The following ZNF454 variants were observed in gnomAD, a reference collection of about 807,000 sequenced individuals.
ZNF454 encodes zinc finger protein 454.
Under a neutral mutation model 48.2 loss-of-function variants are expected in ZNF454, and 30 were observed. That is an observed-to-expected ratio of 0.62 (90% CI 0.47 to 0.84). ZNF454 has a LOEUF of 0.84. ZNF454 is among the 40% of genes least tolerant of loss of function. ZNF454 has a pLI of 0.00. For synonymous variants in ZNF454, 204 were observed against 211.4 expected (o/e 0.97, Z 0.30); for missense variants, 510 against 623.1 (o/e 0.82, Z 1.93).
chr5:178,989,132 T>C, the ZNF454 span: 2 of 1,613,780 alleles, frequency 1.2e-6, no homozygotes, highest in South Asian at 2.2e-5. Context: ...GATGCGTTCC[T>C]CGCCTGTCCT....
rs1339253059 is a variant in ZNF454, at chr5:178,944,556, G to C, written c.33+1732G>C. Among the ~76,000 whole-genome samples, 2 of 152,208 alleles carry C rather than the reference G, an allele frequency of 1.3e-5. No homozygotes were observed. Among genetic ancestry groups the C allele is most frequent in the African/African-American group, 4.8e-5 (2 of 41,458 alleles). On this transcript the variant is annotated intron_variant, in intron 2 of 4. Coordinates refer to ENST00000519564, the MANE Select transcript of ZNF454 (RefSeq NM_001178089.3). The surrounding 1 kb of genome is among the most constrained non-coding windows in gnomAD (Gnocchi z 4.1). The stretch of plus-strand genomic sequence containing the variant: ...CCATCCAAGTGTTTCTTGACTGCCT[G>C]TCATGGGCCAAGTCTCTGGGTGCAG...
chr5:178,964,491 G>A (rs943512862), intron 4 of ZNF454, among the ~76,000 whole-genome samples, 164 bp from the exon 5 acceptor site: 2 of 152,198 alleles, frequency 1.3e-5, no homozygotes, highest in Admixed American at 6.5e-5. Context: ...AACCCCTGCT[G>A]TAGTCCTCTG....
At chr5:178,985,293 C>A in the ZNF454 span, 1 of 456,012 alleles carries the variant, frequency 2.2e-6, no homozygotes, top group African/African-American at 2.0e-5. Context: ...CTCTGGAGGC[C>A]CACACTCCCC....
At chr5:178,951,360 G>A (rs12521384) in intron 4 of ZNF454, among the ~76,000 whole-genome samples, 33,656 of 152,070 alleles carry the variant, frequency 0.22, 4,207 homozygotes, top group Non-Finnish European at 0.28. Context: ...GTACTGGAGC[G>A]CTGCAGCACT....
At chr5:178,943,603 G>A (rs942119935) in intron 2 of ZNF454, among the ~76,000 whole-genome samples, 2 of 152,172 alleles carry the variant, frequency 1.3e-5, no homozygotes, top group African/African-American at 2.4e-5. Flanking sequence ...TTCTGGGGAG[G>A]TGTGATTTAC....
intron 4 of ZNF454, among the ~76,000 whole-genome samples, chr5:178,955,410 A>G (rs1759708187): frequency 6.6e-6 from 1 of 152,252 alleles, no homozygotes; most frequent in Non-Finnish European, 1.5e-5. Context: ...TTTATCACAA[A>G]TAGATACTAA....
At position 178,965,663 on chromosome 5, in the gene ZNF454, C is replaced by T; in HGVS notation, c.1259C>T (p.Ala420Val). The T allele has an allele frequency of 6.2e-7, 1 of 1,614,096 alleles. No homozygotes were observed. Among genetic ancestry groups the T allele is most frequent in the Non-Finnish European group, 8.5e-7 (1 of 1,180,026 alleles). Residue 420 changes from alanine (A) to valine (V), a missense_variant, in exon 5 of 5, where the codon GCC becomes GTC. Physicochemically the swap from Ala to Val is moderately conservative, Grantham distance 64 (BLOSUM62 0). Transcript: ENST00000519564. The surrounding 1 kb of genome is among the most constrained non-coding windows in gnomAD (Gnocchi z 5.2). ...TACAGATGTGGCTTGTGTGAGAAAGCCTTTCGGGACCAATCAGCACTAGCC... is the reference window on the plus strand; with the variant it reads ...TACAGATGTGGCTTGTGTGAGAAAGTCTTTCGGGACCAATCAGCACTAGCC... ...KPYRCGLCEK[A>V]FRDQSALAQH...
intron 4 of ZNF454, among the ~76,000 whole-genome samples, chr5:178,961,649 C>CTAG (rs1489492751): frequency 1.3e-5 from 2 of 151,110 alleles, no homozygotes; most frequent in Non-Finnish European, 2.9e-5. Flanking sequence ...AACCCTGTCT[C>CTAG]TAGTAAAACA....
the ZNF454 span, chr5:178,983,397 C>T: frequency 1.4e-6 from 1 of 715,282 alleles, no homozygotes; most frequent in Non-Finnish European, 2.5e-6. Flanking sequence ...GATGGCAGCC[C>T]AGGCAGGGGC....
chr5:178,989,173 C>T, the ZNF454 span: 1 of 1,603,310 alleles, frequency 6.2e-7, no homozygotes, highest in Non-Finnish European at 8.5e-7. Context: ...TGCCCGGCCC[C>T]CATGCACCGA....
the ZNF454 span, chr5:178,981,669 C>T: frequency 6.2e-7 from 1 of 1,613,582 alleles, no homozygotes; most frequent in Non-Finnish European, 8.5e-7. This position sits in a 1 kb window ranked among gnomAD's most constrained non-coding sequence, Gnocchi z 5.1. Flanking sequence ...ACTTGTGGGC[C>T]TCTGCATCCT....
Position 178,941,686 on chromosome 5 carries a change from AG to A in ZNF454, c.-108+243del, listed in dbSNP as rs1361324993. On this transcript the variant is annotated intron_variant, in intron 1 of 4. Transcript: ENST00000519564. This position sits in a 1 kb window ranked among gnomAD's most constrained non-coding sequence, Gnocchi z 5.5. ...GCAGCCGCTGCGCAGCCCCTGCCAC[AG>A]CCCCCGAGGGACCTGGCGAAGCGGC... Among the ~76,000 whole-genome samples, 2 of 152,126 alleles carry A rather than the reference AG, an allele frequency of 1.3e-5. No individual in the cohort carries two copies. The highest frequency in any genetic ancestry group is 2.9e-5 in the Non-Finnish European group (2 of 68,014).
intron 2 of ZNF454, among the ~76,000 whole-genome samples, chr5:178,945,520 C>T (rs1376363547): frequency 3.7e-5 from 5 of 133,552 alleles, no homozygotes; most frequent in African/African-American, 1.2e-4. Context: ...CTGTGCATCT[C>T]TGTGTGGGGG....
chr5:178,989,698 A>ATACG, the ZNF454 span: 18 of 513,942 alleles, frequency 3.5e-5, no homozygotes, highest in Admixed American at 1.3e-4. Flanking sequence ...GCAAACTCAG[A>ATACG]GCCTCACCAT....
chr5:178,977,081 G>A, the ZNF454 span, among the ~76,000 whole-genome samples: 4 of 152,160 alleles, frequency 2.6e-5, no homozygotes, highest in Non-Finnish European at 4.4e-5. Flanking sequence ...ACAGCACCAC[G>A]GTGCCATGGA....
the ZNF454 span, chr5:178,986,026 T>G: frequency 9.4e-7 from 1 of 1,066,128 alleles, no homozygotes; most frequent in South Asian, 1.6e-5. Context: ...CCTCCAAAGG[T>G]GCTGGGACTA....
chr5:178,987,804 G>A, the ZNF454 span, among the ~76,000 whole-genome samples: 2 of 151,856 alleles, frequency 1.3e-5, no homozygotes, highest in Admixed American at 6.6e-5. Context: ...GTGTCGCCCA[G>A]GCTGGAGTGC....
chr5:178,942,895 C>T lies in ZNF454; in HGVS notation c.33+71C>T, dbSNP rs576995366. 5.2e-6 allele frequency: 8 copies of T among 1,543,002 alleles called. No individual in the cohort carries two copies. The South Asian group carries it at 8.6e-5, about 17-fold the overall frequency. ...AGTGTGGCATGTTTGCTTCCTCAGA[C>T]CGGGAGCTTTATTCCCAATCCAGTC... On this transcript the variant is annotated intron_variant, in intron 2 of 4. Transcript: ENST00000519564.
Position 178,964,813 on chromosome 5 carries a change from T to A in ZNF454, c.409T>A (p.Leu137Met). 6.2e-7 allele frequency: 1 copy of A among 1,614,132 alleles called. No individual in the cohort carries two copies. Among genetic ancestry groups the A allele is most frequent in the Non-Finnish European group, 8.5e-7 (1 of 1,180,014 alleles). The change falls in exon 5 of 5, where the codon TTG becomes ATG. Residue 137 changes from leucine to methionine, a missense_variant. Physicochemically the swap from Leu to Met is conservative, Grantham distance 15. Transcript: ENST00000519564. ...EWQCGGQEIS[L>M]QRVVLTHPNT... ...GCAATGTGGAGGCCAGGAGATCAGTTTGCAGCGAGTGGTACTCACTCACCC... is the reference window on the plus strand; with the variant it reads ...GCAATGTGGAGGCCAGGAGATCAGTATGCAGCGAGTGGTACTCACTCACCC...
Sources: gnomAD v4.1 joint callset for allele counts (sites outside exome capture counted in the v4.1 genomes callset) on GRCh38, gnomAD v4.1.1 for gene constraint, Gnocchi (gnomAD v3.1) non-coding constraint, MANE v1.5 for transcripts, NCBI Gene and HGNC (gene_info 2026-07-23, HGNC 2026-07-21) for gene names.